CARS1: variants seen among roughly 807,000 people sequenced by gnomAD.
CARS1 encodes cysteine--tRNA ligase, cytoplasmic.
A neutral mutation model predicts 106.2 loss-of-function variants in CARS1; 48 were observed. The ratio of observed to expected loss-of-function variants is 0.45; its 90% CI spans 0.36 to 0.57. CARS1 has a LOEUF of 0.57. Among genes scored for constraint, CARS1 ranks in the 20% least tolerant of loss-of-function variants. CARS1 has a pLI of 0.00. For synonymous variants in CARS1, 409 were observed against 403.4 expected (o/e 1.01, Z -0.17); for missense variants, 968 against 1,057.2 (o/e 0.92, Z 1.17).
rs1434281813 is a variant in CARS1 at position 3,039,188 on chromosome 11, GC to G, written c.651+5del. 1 of 1,592,988 alleles carries G rather than the reference GC, an allele frequency of 6.3e-7. No individual in the cohort carries two copies. Among genetic ancestry groups the G allele is most frequent in the Non-Finnish European group, 8.6e-7 (1 of 1,161,294 alleles). On this transcript the variant is annotated splice_donor_5th_base_variant and intron_variant, in intron 6 of 22. Transcript: ENST00000380525. This position sits in a 1 kb window ranked among gnomAD's most constrained non-coding sequence, Gnocchi z 5.6. ...CGGTTTCTAGAGCAGACAGCAAGAG[GC>G]CCACCTTCAGGGCGGCCTGAACATC...
In CARS1 at chr11:3,019,404, A is replaced by G. The variant is rs934458462; in HGVS notation, c.1267-137T>C. On this transcript the variant is annotated intron_variant, in intron 11 of 22. Transcript: ENST00000380525. The surrounding 1 kb of genome is among the most constrained non-coding windows in gnomAD (Gnocchi z 6.2). ...AGCGTTAAATCCCGCACATGAAAAG[A>G]CTAAGGGAAGGCTGGGCGAGATGGC... 3.3e-5 allele frequency: 34 copies of G among 1,015,980 alleles called. No individual in the cohort carries two copies. The highest frequency in any genetic ancestry group is 1.5e-4 in the South Asian group (4 of 25,904). 62.9% of individuals were successfully genotyped at this position (1,015,980 alleles called of 1,614,324 possible). A position where few individuals can be genotyped will look rare whatever the true frequency, so the allele number is the denominator to read the frequency against.
rs1247196313 is a variant in CARS1, at chr11:3,050,129, C to A, written c.26-2128G>T. On this transcript the variant is annotated intron_variant, in intron 1 of 22. Transcript: ENST00000380525. The surrounding 1 kb of genome is among the most constrained non-coding windows in gnomAD (Gnocchi z 6.3). Reference sequence around the variant, plus strand: ...TGCCGGAGAAGATGTCCTGAAGCCACCTCTTCTCTGCAGTAAAGGGGTGGG... The same window carrying A: ...TGCCGGAGAAGATGTCCTGAAGCCAACTCTTCTCTGCAGTAAAGGGGTGGG... Among the ~76,000 whole-genome samples the A allele has an allele frequency of 6.6e-6, 1 of 152,190 alleles. No homozygotes were observed. Among genetic ancestry groups the A allele is most frequent in the Non-Finnish European group, 1.5e-5 (1 of 68,030 alleles).
At chr11:3,016,007 G>A (rs1565036986) in intron 16 of CARS1, among the ~76,000 whole-genome samples, 158 bp from the exon 17 acceptor site, 1 of 152,222 alleles carries the variant, frequency 6.6e-6, no homozygotes, top group African/African-American at 2.4e-5. Flanking sequence ...ACCCGAGCCT[G>A]AGGGTGCCCT....
chr11:3,020,214 G>A lies in CARS1; in HGVS notation c.1266+6C>T, dbSNP rs7102416. The A allele has an allele frequency of 0.011, 17,488 of 1,556,254 alleles. 1,675 individuals carry two copies. In the African/African-American group the frequency reaches 0.21, roughly 18 times the overall value. On this transcript the variant is annotated splice_donor_region_variant and intron_variant, in intron 11 of 22. Coordinates refer to ENST00000380525, the MANE Select transcript of CARS1 (RefSeq NM_001014437.3). The surrounding 1 kb of genome is among the most constrained non-coding windows in gnomAD (Gnocchi z 4.6). ...AAGCCCCACACCTTCTAGGCCACTCGCTCACCTTTCCCCAAGGGCACGGCC... is the reference window on the plus strand; with the variant it reads ...AAGCCCCACACCTTCTAGGCCACTCACTCACCTTTCCCCAAGGGCACGGCC...
chr11:3,031,029 C>T (rs1023527409), intron 7 of CARS1: 4 of 152,084 alleles, frequency 2.6e-5, no homozygotes, highest in African/African-American at 9.7e-5. Context: ...AATGATGAGA[C>T]TCACATCTAA....
At position 3,038,586 on chromosome 11, in the gene CARS1, T is replaced by C. The variant is rs561821308; in HGVS notation, c.652-387A>G. 2.0e-5 allele frequency among the ~76,000 whole-genome samples: 3 copies of C among 152,304 alleles called. No individual in the cohort carries two copies. The highest frequency in any genetic ancestry group is 1.9e-4 in the East Asian group (1 of 5,180). On this transcript the variant is annotated intron_variant, in intron 6 of 22. Transcript: ENST00000380525. This position sits in a 1 kb window ranked among gnomAD's most constrained non-coding sequence, Gnocchi z 4.0. The stretch of plus-strand genomic sequence containing the variant: ...ACTCAGGCCTCACTGACCTAAAAGA[T>C]TGCTCAGCTCTAATTTTATTCCTGT...
At position 3,028,992 on chromosome 11, in the gene CARS1, T is replaced by C; in HGVS notation, c.1031+4A>G. The C allele has an allele frequency of 6.2e-7, 1 of 1,610,148 alleles. No homozygotes were observed. The highest frequency in any genetic ancestry group is 8.5e-7 in the Non-Finnish European group (1 of 1,176,452). On this transcript the variant is annotated splice_donor_region_variant and intron_variant, in intron 9 of 22. Transcript: ENST00000380525. This position sits in a 1 kb window ranked among gnomAD's most constrained non-coding sequence, Gnocchi z 4.4. ...CCCTCCCTAGGGAAGGCCCTTGTGCTTACCCGTAACCGTTGTCCACAATCT... is the reference window on the plus strand; with the variant it reads ...CCCTCCCTAGGGAAGGCCCTTGTGCCTACCCGTAACCGTTGTCCACAATCT...
Position 3,053,236 on chromosome 11 carries a change from T to A in CARS1, c.25+4107A>T, listed in dbSNP as rs529803214. On this transcript the variant is annotated intron_variant, in intron 1 of 22. Transcript: ENST00000380525. This position sits in a 1 kb window ranked among gnomAD's most constrained non-coding sequence, Gnocchi z 6.6. ...TTATTTATTTTTATTTTATTTTATT[T>A]TATTTTATTTTTTGAGACGGAGTCT... 1.1e-3 allele frequency among the ~76,000 whole-genome samples: 160 copies of A among 152,222 alleles called. No individual in the cohort carries two copies. The highest frequency in any genetic ancestry group is 3.0e-3 in the African/African-American group (126 of 41,548).
Position 3,050,053 on chromosome 11 carries a change from G to A in CARS1, c.26-2052C>T, listed in dbSNP as rs1232768430. Among the ~76,000 whole-genome samples the A allele has an allele frequency of 2.6e-5, 4 of 152,308 alleles. No individual in the cohort carries two copies. The highest frequency in any genetic ancestry group is 1.9e-4 in the East Asian group (1 of 5,172). On this transcript the variant is annotated intron_variant, in intron 1 of 22. Transcript: ENST00000380525. This position sits in a 1 kb window ranked among gnomAD's most constrained non-coding sequence, Gnocchi z 6.3. Reference sequence around the variant, plus strand: ...CCCCACTGGGCCGAGCTCTTCACCCGCCAGGGAGCCTACGGAGCCACGTGA... The same window carrying A: ...CCCCACTGGGCCGAGCTCTTCACCCACCAGGGAGCCTACGGAGCCACGTGA...
At chr11:3,056,220 T>G (rs1856186490) in intron 1 of CARS1, among the ~76,000 whole-genome samples, 1 of 152,244 alleles carries the variant, frequency 6.6e-6, no homozygotes, top group African/African-American at 2.4e-5. Context: ...CACCACCAGA[T>G]GCTAAGGAAA....
intron 1 of CARS1, among the ~76,000 whole-genome samples, chr11:3,051,006 C>T (rs418832): frequency 0.4 from 61,309 of 152,154 alleles, 12,690 homozygotes; most frequent in African/African-American, 0.44. Context: ...GCCTAGGGCA[C>T]AGATGAGTGG....
chr11:3,005,278 A>G lies in CARS1; in HGVS notation c.2217+88T>C. ...GGATTTTAATAAAAGTGTAAACATC[A>G]ATGCTTAAAAAGTAAACTATGTAAT... On this transcript the variant is annotated intron_variant, in intron 20 of 22. Transcript: ENST00000380525. 3.1e-6 allele frequency: 3 copies of G among 968,760 alleles called. No individual in the cohort carries two copies. The East Asian group carries it at 7.5e-5, about 24-fold the overall frequency. 60.0% of individuals were successfully genotyped at this position (968,760 alleles called of 1,614,324 possible). A position where few individuals can be genotyped will look rare whatever the true frequency, so the allele number is the denominator to read the frequency against.
rs917961971 is a variant in CARS1 at position 3,001,004 on chromosome 11, T to G, written c.*110A>C. On this transcript the variant is annotated 3_prime_UTR_variant, in exon 23 of 23. Transcript: ENST00000380525. ...GAACCTACATGAACACAACTCTTAA[T>G]TTAGGACCCAAGGGTGACTGTAAAC... 7.9e-7 allele frequency: 1 copy of G among 1,258,062 alleles called. No individual in the cohort carries two copies. The highest frequency in any genetic ancestry group is 1.5e-5 in the African/African-American group (1 of 67,232). 77.9% of individuals were successfully genotyped at this position (1,258,062 alleles called of 1,614,324 possible).
chr11:3,002,033 C>T lies in CARS1; in HGVS notation c.2298G>A (p.Met766Ile). ...AGAACATCTCACTGGGGGGAATCTT[C>T]ATCTTGGCCAGCTTTGCTGCCTAGA... ...QEQEAAKLAKMKIPPSEMFLS... is the reference protein window; with the variant it reads ...QEQEAAKLAKIKIPPSEMFLS... Residue 766 changes from methionine (M) to isoleucine (I), a missense_variant, in exon 22 of 23, where the codon ATG (methionine) becomes ATA (isoleucine). Physicochemically the swap from Met to Ile is conservative, Grantham distance 10. Coordinates refer to ENST00000380525, the MANE Select transcript of CARS1 (RefSeq NM_001014437.3). 6.2e-7 allele frequency: 1 copy of T among 1,613,698 alleles called. No individual in the cohort carries two copies. The highest frequency in any genetic ancestry group is 8.5e-7 in the Non-Finnish European group (1 of 1,179,734).
chr11:3,002,504 C>A, intron 21 of CARS1, 37 bp downstream of exon 21: 1 of 1,611,844 alleles, frequency 6.2e-7, no homozygotes, highest in Non-Finnish European at 8.5e-7. Flanking sequence ...TGCACTCCTG[C>A]CCAGTAGAGC....
chr11:3,055,594 C>A (rs1486650427), intron 1 of CARS1, among the ~76,000 whole-genome samples: 1 of 152,196 alleles, frequency 6.6e-6, no homozygotes, highest in Non-Finnish European at 1.5e-5. Flanking sequence ...TGCCTGCTGC[C>A]CTGACAGCCC....
intron 20 of CARS1, 28 bp from the exon 21 acceptor site, chr11:3,002,628 G>C: frequency 6.2e-7 from 1 of 1,613,616 alleles, no homozygotes; most frequent in Non-Finnish European, 8.5e-7. Context: ...AGCCAGATGA[G>C]ACAGGGCTGC....
In CARS1 at chr11:3,044,733, G is replaced by T. The variant is rs1029873786; in HGVS notation, c.275-2477C>A. Among the ~76,000 whole-genome samples, 1 of 152,030 alleles carries T rather than the reference G, an allele frequency of 6.6e-6. No individual in the cohort carries two copies. Among genetic ancestry groups the T allele is most frequent in the Admixed American group, 6.5e-5 (1 of 15,274 alleles). On this transcript the variant is annotated intron_variant, in intron 2 of 22. Transcript: ENST00000380525. This position sits in a 1 kb window ranked among gnomAD's most constrained non-coding sequence, Gnocchi z 4.4. ...CTTTGGAAAAAATGAACACACATTC[G>T]TTGATTCCAGAGTCCCACCCTGACC...
At chr11:3,035,698 C>G (rs544768796) in intron 7 of CARS1, among the ~76,000 whole-genome samples, 1 of 152,276 alleles carries the variant, frequency 6.6e-6, no homozygotes, top group African/African-American at 2.4e-5. Context: ...TTTGCCTAGG[C>G]TGGTCTGGAG....
Sources: gnomAD v4.1 joint callset for allele counts (sites outside exome capture counted in the v4.1 genomes callset) on GRCh38, gnomAD v4.1.1 for gene constraint, Gnocchi (gnomAD v3.1) non-coding constraint, MANE v1.5 for transcripts, NCBI Gene and HGNC (gene_info 2026-07-23, HGNC 2026-07-21) for gene names.